Variants in NDUFS4 observed in about 807,000 individuals in gnomAD.
NDUFS4 encodes the protein NADH dehydrogenase [ubiquinone] iron-sulfur protein 4, mitochondrial.
Under a neutral mutation model 24.3 loss-of-function variants are expected in NDUFS4, and 28 were observed. That is an observed-to-expected ratio of 1.15 (90% confidence interval 0.85 to 1.58). The LOEUF (loss-of-function observed/expected upper bound fraction) is 1.58. NDUFS4 is among the 40% of genes most tolerant of loss of function. NDUFS4 has a pLI of 0.00. For missense variants in NDUFS4, 223 were observed against 207.9 expected, an observed-to-expected ratio of 1.07 and a Z score of -0.45; for synonymous variants, 93 against 69.7, an observed-to-expected ratio of 1.34 and a Z score of -1.67.
chr5:53,567,232 C>G (rs1749057405), intron 1 of NDUFS4, among the ~76,000 whole-genome samples: 1 of 152,170 alleles, frequency 6.6e-6, no homozygotes. Context: ...TCTGATATAG[C>G]AGTCTAAATG....
At chr5:53,677,216 T>C (rs763901311) in intron 4 of NDUFS4, among the ~76,000 whole-genome samples, 1 of 152,130 alleles carries the variant, frequency 6.6e-6, no homozygotes, top group South Asian at 2.1e-4. Context: ...AAATATTACA[T>C]AGCAAGTATA....
rs766133396 is a variant in NDUFS4 at position 53,683,098 on chromosome 5, T to C, written c.425-20T>C. 2 of 1,481,454 alleles carry C rather than the reference T, an allele frequency of 1.4e-6. No individual in the cohort carries two copies. The highest frequency in any genetic ancestry group is 2.3e-5 in the South Asian group (2 of 88,364). The allele number at this position is 1,481,454 out of a possible 1,614,324, so 91.8% of individuals were successfully genotyped here. Reference sequence around the variant, plus strand: ...CTTTAATTCTGTTTCTGTGGATTTGTCTTTGTTTTTTCCTCCTAGGATGGA... The same window carrying C: ...CTTTAATTCTGTTTCTGTGGATTTGCCTTTGTTTTTTCCTCCTAGGATGGA... On this transcript the variant is annotated intron_variant, in intron 4 of 4. Coordinates refer to ENST00000296684, the MANE Select transcript of NDUFS4 (RefSeq NM_002495.4).
chr5:53,588,560 CTG>C (rs1474104176), intron 1 of NDUFS4, among the ~76,000 whole-genome samples: 25 of 152,122 alleles, frequency 1.6e-4, no homozygotes, highest in African/African-American at 6.0e-4. Context: ...TACTACATGA[CTG>C]TTATCCAGTT....
intron 1 of NDUFS4, chr5:53,573,521 AT>A: frequency 2.3e-6 from 1 of 442,184 alleles, no homozygotes; most frequent in Admixed American, 2.5e-5. Flanking sequence ...GTTTCGTTAG[AT>A]TTATGCCTAA....
chr5:53,677,440 C>A (rs1173092735), intron 4 of NDUFS4, among the ~76,000 whole-genome samples: 1 of 152,056 alleles, frequency 6.6e-6, no homozygotes, highest in African/African-American at 2.4e-5. Flanking sequence ...TCCGAAACCT[C>A]TGTTATTTCT....
At chr5:53,655,835 C>T (rs901305453) in intron 3 of NDUFS4, among the ~76,000 whole-genome samples, 4 of 152,272 alleles carry the variant, frequency 2.6e-5, no homozygotes, top group South Asian at 2.1e-4. Context: ...TAAAAAGGCA[C>T]GGCCTTTCTG....
chr5:53,607,973 ACATT>A lies in NDUFS4; in HGVS notation c.177+4444_177+4447del, dbSNP rs1349640164. On this transcript the variant is annotated intron_variant, in intron 2 of 4. Transcript: ENST00000296684. Reference sequence around the variant, plus strand: ...TATTATTACATAACTGGCTTATTTTACATTAAATTTATATTGTTTTCTTCATTTT... The same window carrying A: ...TATTATTACATAACTGGCTTATTTTAAAATTTATATTGTTTTCTTCATTTT... Among the ~76,000 whole-genome samples, 36 of 152,302 alleles carry A rather than the reference ACATT, an allele frequency of 2.4e-4. No homozygotes were observed. The East Asian group carries it at 6.8e-3, about 29-fold the overall frequency.
At chr5:53,658,275 CAA>C (rs1752220636) in intron 3 of NDUFS4, among the ~76,000 whole-genome samples, 2 of 152,010 alleles carry the variant, frequency 1.3e-5, no homozygotes, top group Non-Finnish European at 2.9e-5. Flanking sequence ...AAATTCATCT[CAA>C]ATTGTTTTTT....
intron 3 of NDUFS4, among the ~76,000 whole-genome samples, chr5:53,648,832 T>C (rs1751937846): frequency 1.3e-5 from 2 of 152,186 alleles, no homozygotes; most frequent in Non-Finnish European, 2.9e-5. Flanking sequence ...GGAGAATACT[T>C]TGAGACCATT....
intron 2 of NDUFS4, among the ~76,000 whole-genome samples, chr5:53,628,570 A>G (rs748404369): frequency 7.2e-5 from 11 of 152,174 alleles, no homozygotes; most frequent in Non-Finnish European, 1.3e-4. Flanking sequence ...TTATTGGTCT[A>G]TTCAGAGATT....
intron 3 of NDUFS4, among the ~76,000 whole-genome samples, chr5:53,648,204 A>T (rs1318914854): frequency 6.6e-6 from 1 of 152,194 alleles, no homozygotes; most frequent in Admixed American, 6.5e-5. Flanking sequence ...GAATCTGTAT[A>T]TGTGAGATGA....
intron 4 of NDUFS4, among the ~76,000 whole-genome samples, chr5:53,679,171 TG>T (rs1251598312): frequency 6.6e-6 from 1 of 152,206 alleles, no homozygotes; most frequent in Non-Finnish European, 1.5e-5. Context: ...TATGCTCCTT[TG>T]CGTTTAGAGA....
At chr5:53,588,081 C>T (rs1749824843) in intron 1 of NDUFS4, among the ~76,000 whole-genome samples, 1 of 152,148 alleles carries the variant, frequency 6.6e-6, no homozygotes, top group African/African-American at 2.4e-5. Context: ...TCCAGACCAC[C>T]ACTAGATTGT....
intron 2 of NDUFS4, chr5:53,604,781 C>T (rs752957547): frequency 2.6e-5 from 12 of 456,298 alleles, no homozygotes; most frequent in Middle Eastern, 6.5e-4. Flanking sequence ...AAGCCTGGAA[C>T]TTGCTACTCT....
intron 2 of NDUFS4, among the ~76,000 whole-genome samples, chr5:53,643,396 T>G (rs1751757067): frequency 6.6e-6 from 1 of 152,148 alleles, no homozygotes; most frequent in African/African-American, 2.4e-5. Flanking sequence ...CAATATAATT[T>G]AAATAGTTTG....
intron 4 of NDUFS4, among the ~76,000 whole-genome samples, chr5:53,675,338 A>G (rs1461841380): frequency 6.6e-6 from 1 of 151,288 alleles, no homozygotes; most frequent in African/African-American, 2.4e-5. Context: ...AATTTTTTGT[A>G]TTTTTAGTAG....
chr5:53,659,240 G>T (rs1260047552), intron 4 of NDUFS4, among the ~76,000 whole-genome samples: 1 of 152,052 alleles, frequency 6.6e-6, no homozygotes, highest in Admixed American at 6.6e-5. Context: ...TGTTGATCTT[G>T]CTATCAACAA....
chr5:53,565,019 A>G (rs1405452927), intron 1 of NDUFS4, among the ~76,000 whole-genome samples: 2 of 152,214 alleles, frequency 1.3e-5, no homozygotes, highest in African/African-American at 4.8e-5. Flanking sequence ...TTACATATCC[A>G]AAAACCACTG....
chr5:53,579,524 A>C (rs886181140), intron 1 of NDUFS4, among the ~76,000 whole-genome samples: 13 of 152,232 alleles, frequency 8.5e-5, no homozygotes, highest in Non-Finnish European at 1.8e-4. Flanking sequence ...CCTGGGCAAC[A>C]TAGCAAGACC....
Sources: allele counts gnomAD v4.1 joint callset (sites outside exome capture counted in the v4.1 genomes callset), GRCh38; gene constraint gnomAD v4.1.1; transcripts MANE v1.5; gene names NCBI Gene and HGNC (gene_info 2026-07-23, HGNC 2026-07-21).